Variants in KCNK9 observed in about 807,000 individuals in gnomAD.
KCNK9 encodes potassium two pore domain channel subfamily K member 9.
KCNK9 carries 1 observed loss-of-function variant against 10.8 expected under a neutral mutation model. The observed-to-expected ratio is 0.09, with a 90% CI of 0.03 to 0.44. KCNK9 has a LOEUF of 0.44. Among genes scored for constraint, KCNK9 ranks in the 20% least tolerant of loss-of-function variants. The pLI, the probability that KCNK9 is intolerant of heterozygous loss-of-function variation, is 0.97. For missense variants in KCNK9, 303 were observed against 515.0 expected (o/e 0.59, Z 3.98); for synonymous variants, 231 against 222.7 (o/e 1.04, Z -0.33).
intron 1 of KCNK9, among the ~76,000 whole-genome samples, chr8:139,623,986 C>T (rs928562377): frequency 1.3e-5 from 2 of 152,156 alleles, no homozygotes; most frequent in Non-Finnish European, 2.9e-5. Context: ...AACCCACAAC[C>T]GCCCCGCAAG....
intron 1 of KCNK9, among the ~76,000 whole-genome samples, chr8:139,663,639 G>A (rs905951006): frequency 2.1e-5 from 3 of 141,028 alleles, no homozygotes; most frequent in Non-Finnish European, 4.6e-5. Context: ...GAACAGACGC[G>A]CGTGCGCACG....
At position 139,618,956 on chromosome 8, in the gene KCNK9, T is replaced by G; in HGVS notation, c.427A>C (p.Ile143Leu). The stretch of plus-strand genomic sequence containing the variant: ...TTGCGCATGCCACAGCACTTCTTAA[T>G]GCGCTTCAGCAGGTAGCGCACGAAG... Reference protein sequence around the residue: ...NTFVRYLLKRIKKCCGMRNTD... With the variant: ...NTFVRYLLKRLKKCCGMRNTD... Residue 143 changes from isoleucine (I) to leucine (L), a missense_variant, in exon 2 of 2, where the codon ATT becomes CTT. Ile to Leu is a conservative substitution (Grantham distance 5). This residue lies in a region of KCNK9 where 32 missense variants were observed against 30.2 expected (regional missense o/e 1.06). Transcript: ENST00000520439. The surrounding 1 kb of genome is among the most constrained non-coding windows in gnomAD (Gnocchi z 7.9). The G allele has an allele frequency of 6.2e-7, 1 of 1,614,218 alleles. No individual in the cohort carries two copies. The highest frequency in any genetic ancestry group is 2.2e-5 in the East Asian group (1 of 44,874).
chr8:139,662,664 G>T (rs1816187309), intron 1 of KCNK9, among the ~76,000 whole-genome samples: 1 of 152,006 alleles, frequency 6.6e-6, no homozygotes, highest in South Asian at 2.1e-4. Context: ...TCCTGGCCTT[G>T]AGGGAGGGTC....
intron 1 of KCNK9, among the ~76,000 whole-genome samples, chr8:139,701,332 TA>T (rs1453599143): frequency 6.6e-6 from 1 of 152,154 alleles, no homozygotes; most frequent in Non-Finnish European, 1.5e-5. Flanking sequence ...ACCAATGAAT[TA>T]AACATTTAAA....
rs140702785 is a variant in KCNK9 at position 139,658,344 on chromosome 8, C to T, written c.284-39245G>A. On this transcript the variant is annotated intron_variant, in intron 1 of 1. Transcript: ENST00000520439. ...CTGGAAAAGCTGAGCAGGGAAGGCACACCCATCCCAAAGCCCCATGGCTGG... is the reference window on the plus strand; with the variant it reads ...CTGGAAAAGCTGAGCAGGGAAGGCATACCCATCCCAAAGCCCCATGGCTGG... 5.8e-4 allele frequency among the ~76,000 whole-genome samples: 88 copies of T among 152,276 alleles called. No homozygotes were observed. In the East Asian group the frequency reaches 0.015, roughly 27 times the overall value.
intron 1 of KCNK9, among the ~76,000 whole-genome samples, chr8:139,696,743 G>GTGGATGGATGGA (rs540183564): frequency 5.1e-4 from 75 of 147,998 alleles, no homozygotes; most frequent in Middle Eastern, 3.5e-3. Flanking sequence ...AGATGAGTGG[G>GTGGATGGATGGA]TGGATGGATG....
intron 2 of KCNK9, among the ~76,000 whole-genome samples, chr8:139,604,295 G>T (rs1817437313): frequency 6.6e-6 from 1 of 152,196 alleles, no homozygotes; most frequent in Admixed American, 6.5e-5. Flanking sequence ...CTTCCCTGGG[G>T]GAGACACAAT....
chr8:139,664,569 C>A (rs913764159), intron 1 of KCNK9, among the ~76,000 whole-genome samples: 2 of 152,208 alleles, frequency 1.3e-5, no homozygotes, highest in Admixed American at 1.3e-4. Context: ...AGACGCTTAG[C>A]CACCAGGAGC....
intron 1 of KCNK9, among the ~76,000 whole-genome samples, chr8:139,628,947 C>T (rs1815072747): frequency 6.6e-6 from 1 of 152,166 alleles, no homozygotes; most frequent in South Asian, 2.1e-4. Context: ...ACTGGGTGGA[C>T]ATCTCGTCCC....
At chr8:139,644,839 C>T (rs772095701) in intron 1 of KCNK9, among the ~76,000 whole-genome samples, 3 of 152,118 alleles carry the variant, frequency 2.0e-5, no homozygotes, top group South Asian at 2.1e-4. Flanking sequence ...GCACTGCCAG[C>T]GCACCTCTGC....
At chr8:139,661,307 C>A (rs1334028986) in intron 1 of KCNK9, among the ~76,000 whole-genome samples, 2 of 152,236 alleles carry the variant, frequency 1.3e-5, no homozygotes, top group Non-Finnish European at 2.9e-5. Flanking sequence ...TCCCCCCACC[C>A]CAACTCAGCG....
chr8:139,667,077 C>T (rs1816319662), intron 1 of KCNK9, among the ~76,000 whole-genome samples: 1 of 152,230 alleles, frequency 6.6e-6, no homozygotes, highest in Admixed American at 6.5e-5. Flanking sequence ...CCAGACAGCC[C>T]AAGGGGAACA....
At chr8:139,664,407 G>T (rs1397479377) in intron 1 of KCNK9, among the ~76,000 whole-genome samples, 3 of 126,758 alleles carry the variant, frequency 2.4e-5, no homozygotes. Flanking sequence ...TCCAGAGCCC[G>T]CCTCCCCTCC....
Position 139,618,501 on chromosome 8 carries a change from C to A in KCNK9, c.882G>T (p.Gln294His). The change falls in exon 2 of 2, where the codon CAG becomes CAT. Residue 294 changes from glutamine (Q) to histidine (H), a missense_variant. By Grantham distance (24) the Gln-to-His change is conservative (BLOSUM62 0). Coordinates refer to ENST00000520439, the MANE Select transcript of KCNK9 (RefSeq NM_001282534.2). The surrounding 1 kb of genome is among the most constrained non-coding windows in gnomAD (Gnocchi z 7.9). ...PRYKADVPDLQSVCSCTCYRS... is the reference protein window; with the variant it reads ...PRYKADVPDLHSVCSCTCYRS... The stretch of plus-strand genomic sequence containing the variant: ...GGTAGCAGGTGCAGGAGCACACAGA[C>A]TGCAGGTCCGGGACGTCCGCCTTGT... The A allele has an allele frequency of 6.2e-7, 1 of 1,613,802 alleles. No individual in the cohort carries two copies. The highest frequency in any genetic ancestry group is 8.5e-7 in the Non-Finnish European group (1 of 1,180,028).
At chr8:139,647,869 G>A (rs1377865799) in intron 1 of KCNK9, among the ~76,000 whole-genome samples, 2 of 152,154 alleles carry the variant, frequency 1.3e-5, no homozygotes, top group Non-Finnish European at 2.9e-5. Context: ...TGCTGTGGAA[G>A]GTCATGTGGT....
Position 139,618,535 on chromosome 8 carries a change from C to A in KCNK9, c.848G>T (p.Arg283Leu), listed in dbSNP as rs1386530051. Residue 283 changes from arginine (R) to leucine (L), a missense_variant, in exon 2 of 2, where the codon CGG (arginine) becomes CTG (leucine). By Grantham distance (102) the Arg-to-Leu change is moderately radical. Transcript: ENST00000520439. This position sits in a 1 kb window ranked among gnomAD's most constrained non-coding sequence, Gnocchi z 7.9. ...IHIPEEPRPSRPRYKADVPDL... is the reference protein window; with the variant it reads ...IHIPEEPRPSLPRYKADVPDL... ...CGGGACGTCCGCCTTGTACCTGGGC[C>A]GGCTGGGCCGCGGCTCCTCAGGGAT... The A allele has an allele frequency of 6.2e-7, 1 of 1,613,434 alleles. No homozygotes were observed. The highest frequency in any genetic ancestry group is 8.5e-7 in the Non-Finnish European group (1 of 1,179,922).
chr8:139,602,405 G>A (rs554417133), intron 2 of KCNK9, among the ~76,000 whole-genome samples: 1 of 152,326 alleles, frequency 6.6e-6, no homozygotes, highest in African/African-American at 2.4e-5. Context: ...TAGATGTCTT[G>A]TGGTGTGAGT....
chr8:139,696,179 A>G (rs1419373564), intron 1 of KCNK9, among the ~76,000 whole-genome samples: 3 of 151,970 alleles, frequency 2.0e-5, no homozygotes, highest in Non-Finnish European at 1.5e-5. Context: ...CACATCCACT[A>G]CCACTTCATT....
At position 139,618,182 on chromosome 8, in the gene KCNK9, A is replaced by G; in HGVS notation, c.*76T>C. ...ACAATAATAATAATAAATAAATAAG[A>G]AAAGACGAGTTGGACCAATGGAAAT... On this transcript the variant is annotated 3_prime_UTR_variant, in exon 2 of 2. Coordinates refer to ENST00000520439, the MANE Select transcript of KCNK9 (RefSeq NM_001282534.2). This position sits in a 1 kb window ranked among gnomAD's most constrained non-coding sequence, Gnocchi z 7.9. 6.4e-7 allele frequency: 1 copy of G among 1,557,016 alleles called. No homozygotes were observed. Among genetic ancestry groups the G allele is most frequent in the Non-Finnish European group, 8.8e-7 (1 of 1,132,138 alleles).
Sources: allele counts gnomAD v4.1 joint callset (sites outside exome capture counted in the v4.1 genomes callset), GRCh38; gene constraint gnomAD v4.1.1; regional missense constraint gnomAD v4.1.1; non-coding constraint Gnocchi (gnomAD v3.1); transcripts MANE v1.5; gene names NCBI Gene and HGNC (gene_info 2026-07-23, HGNC 2026-07-21).